Variants in LPA observed in about 807,000 individuals in gnomAD.
LPA encodes the protein lipoprotein(a), also known as apolipoprotein(a).
Under a neutral mutation model 197.9 loss-of-function variants are expected in LPA, and 199 were observed. The ratio of observed to expected loss-of-function variants is 1.01; its 90% CI spans 0.90 to 1.13. The LOEUF is 1.13. Ranked by LOEUF, LPA falls within the 50% of genes most tolerant of loss-of-function variation. The probability of loss-of-function intolerance (pLI) is 0.00; values close to 1 mark genes in which losing one functional copy is unlikely to be tolerated. For synonymous variants in LPA, 715 were observed against 639.5 expected (o/e 1.12, Z -1.78); for missense variants, 1,853 against 1,785.8 (o/e 1.04, Z -0.68).
chr6:160,656,773 G>T (rs1780140073), intron 1 of LPA, among the ~76,000 whole-genome samples: 1 of 152,132 alleles, frequency 6.6e-6, no homozygotes, highest in South Asian at 2.1e-4. Context: ...AACTGTAACA[G>T]GTTCGAGTCT....
Position 160,606,472 on chromosome 6 carries a change from C to A in LPA, c.2785+5G>T, listed in dbSNP as rs368377491. ...CGTGTAGGTTTCTGGCCACAGGCTC[C>A]TTACCTTGTTCAGAAGGAGCCTCTA... is the stretch of plus-strand genomic sequence containing the variant. On this transcript the variant is annotated splice_donor_5th_base_variant and intron_variant, in intron 17 of 38. Coordinates refer to ENST00000316300, the MANE Select transcript of LPA (RefSeq NM_005577.4). 9.9e-6 allele frequency: 16 copies of A among 1,613,336 alleles called. No homozygotes were observed. Among genetic ancestry groups the A allele is most frequent in the Non-Finnish European group, 1.4e-5 (16 of 1,179,800 alleles).
intron 20 of LPA, among the ~76,000 whole-genome samples, chr6:160,598,079 G>A (rs1487223758): frequency 1.3e-5 from 2 of 152,138 alleles, no homozygotes; most frequent in Non-Finnish European, 2.9e-5. Flanking sequence ...TCTACTGAAT[G>A]CCCAAGATTT....
intron 28 of LPA, among the ~76,000 whole-genome samples, chr6:160,576,177 C>T (rs1298935319): frequency 6.6e-6 from 1 of 151,074 alleles, no homozygotes; most frequent in Admixed American, 6.6e-5. Flanking sequence ...GCTTTTTGTC[C>T]ATGTACTTGT....
Position 160,611,679 on chromosome 6 carries a change from C to A in LPA, c.2486G>T (p.Gly829Val), listed in dbSNP as rs770360852. 1 of 1,551,102 alleles carries A rather than the reference C, an allele frequency of 6.4e-7. No individual in the cohort carries two copies. Among genetic ancestry groups the A allele is most frequent in the Non-Finnish European group, 8.8e-7 (1 of 1,142,204 alleles). Reference sequence around the variant, plus strand: ...TGTGCCTCGATAACTCTGTCCATTACCGTGGTAGCACTCCTGCACCCCAGG... The same window carrying A: ...TGTGCCTCGATAACTCTGTCCATTAACGTGGTAGCACTCCTGCACCCCAGG... ...QRPGVQECYH[G>V]NGQSYRGTYS... The change falls in exon 16 of 39, where the codon GGT becomes GTT. Residue 829 changes from glycine to valine, a missense_variant. Coordinates refer to ENST00000316300, the MANE Select transcript of LPA (RefSeq NM_005577.4).
rs569247505 is a variant in LPA at position 160,595,728 on chromosome 6, T to C, written c.3288-193A>G. Among the ~76,000 whole-genome samples, 28 of 152,366 alleles carry C rather than the reference T, an allele frequency of 1.8e-4. No individual in the cohort carries two copies. In the East Asian group the frequency reaches 5.2e-3, roughly 28 times the overall value. Reference sequence around the variant, plus strand: ...CATCTCAAAGACAAATTATCATTCATATTGTAACACATCCAAAGTCATCTG... The same window carrying C: ...CATCTCAAAGACAAATTATCATTCACATTGTAACACATCCAAAGTCATCTG... On this transcript the variant is annotated intron_variant, in intron 20 of 38. Transcript: ENST00000316300.
chr6:160,585,276 CA>C (rs1778888505), intron 25 of LPA, 71 bp from the exon 26 acceptor site: 1 of 1,432,694 alleles, frequency 7.0e-7, no homozygotes, highest in Non-Finnish European at 9.9e-7. Context: ...TTATGACACA[CA>C]AAGTGGAATA....
At chr6:160,654,540 C>T (rs1438414042) in intron 1 of LPA, among the ~76,000 whole-genome samples, 1 of 152,112 alleles carries the variant, frequency 6.6e-6, no homozygotes, top group Non-Finnish European at 1.5e-5. Flanking sequence ...TGAACCCATA[C>T]ACACATCCTG....
intron 26 of LPA, among the ~76,000 whole-genome samples, chr6:160,584,249 C>G (rs1405766138): frequency 3.7e-5 from 5 of 134,008 alleles, no homozygotes; most frequent in Admixed American, 7.6e-5. Flanking sequence ...CCTCCTCCTC[C>G]TCCTCCTCCT....
At chr6:160,558,300 G>A (rs1206416475) in intron 28 of LPA, among the ~76,000 whole-genome samples, 1 of 152,112 alleles carries the variant, frequency 6.6e-6, no homozygotes, top group Non-Finnish European at 1.5e-5. Flanking sequence ...GCAGTAACAT[G>A]TAAATTGTAA....
At position 160,590,956 on chromosome 6, in the gene LPA, C is replaced by T. The variant is rs1562334654; in HGVS notation, c.3775G>A (p.Val1259Ile). ...ESSVLATSTA[V>I]SEQAPTEQSP... ...AGAGACTTCTTACCTTGTTCAGAAA[C>T]AGCCGTGGACGTCGCAAGGACACTT... Residue 1259 changes from valine (V) to isoleucine (I), a missense_variant, in exon 23 of 39, where the codon GTT becomes ATT. This residue lies in a region of LPA where 1,737 missense variants were observed against 1,504.4 expected (regional missense o/e 1.15). Coordinates refer to ENST00000316300, the MANE Select transcript of LPA (RefSeq NM_005577.4). The T allele has an allele frequency of 1.9e-6, 3 of 1,613,950 alleles. No individual in the cohort carries two copies. Among genetic ancestry groups the T allele is most frequent in the East Asian group, 4.5e-5 (2 of 44,856 alleles).
In LPA at chr6:160,584,255, C is replaced by T. The variant is rs1438324879; in HGVS notation, c.4289+791G>A. ...CTTCTTCTTCCTCCTCCTCCTCCTC[C>T]TCCTCTTCCTCTTCCTCTTCTTCTT... is the stretch of plus-strand genomic sequence containing the variant. On this transcript the variant is annotated intron_variant, in intron 26 of 38. Coordinates refer to ENST00000316300, the MANE Select transcript of LPA (RefSeq NM_005577.4). 1.7e-3 allele frequency among the ~76,000 whole-genome samples: 228 copies of T among 133,920 alleles called. 2 individuals are homozygous for T. Among genetic ancestry groups the T allele is most frequent in the African/African-American group, 5.3e-3 (187 of 35,332 alleles). The allele number at this position is 133,920 out of a possible 152,430, so 87.9% of individuals were successfully genotyped here.
chr6:160,568,986 C>T (rs1044832437), intron 28 of LPA, among the ~76,000 whole-genome samples: 3 of 152,066 alleles, frequency 2.0e-5, no homozygotes, highest in Non-Finnish European at 2.9e-5. Context: ...TAAAAGAGGA[C>T]ACAAACAAAT....
At position 160,586,598 on chromosome 6, in the gene LPA, T is replaced by C. The variant is rs367705059; in HGVS notation, c.3980A>G (p.Asp1327Gly). The C allele has an allele frequency of 2.9e-5, 46 of 1,613,696 alleles. 1 individual carries two copies. Among genetic ancestry groups the C allele is most frequent in the South Asian group, 3.3e-5 (3 of 91,086 alleles). Residue 1327 changes from aspartate (D) to glycine (G), a missense_variant, in exon 25 of 39, where the codon GAT becomes GGT. Physicochemically the swap from Asp to Gly is moderately conservative, Grantham distance 94. Around this residue, in one of 3 missense-constraint regions of LPA, gnomAD observed 1,737 missense variants for 1,504.4 expected, o/e 1.15. Transcript: ENST00000316300. ...GLTRNYCRNP[D>G]AEIRPWCYTM... is the part of the protein sequence containing the mutation. ...ATAACACCAAGGGCGAATCTCAGCA[T>C]CTGGATTCCTGCAGTAGTTCCTGGT...
intron 1 of LPA, among the ~76,000 whole-genome samples, chr6:160,658,294 C>T (rs1411383518): frequency 1.3e-5 from 2 of 152,178 alleles, no homozygotes; most frequent in African/African-American, 4.8e-5. Flanking sequence ...CTCACTTTAA[C>T]AGTAAACACC....
intron 1 of LPA, among the ~76,000 whole-genome samples, chr6:160,656,932 T>C (rs551292778): frequency 6.6e-6 from 1 of 152,354 alleles, no homozygotes; most frequent in South Asian, 2.1e-4. Flanking sequence ...CCATGATTAA[T>C]TAGCCAATGC....
At chr6:160,608,277 T>A (rs749415455) in intron 16 of LPA, among the ~76,000 whole-genome samples, 2 of 152,246 alleles carry the variant, frequency 1.3e-5, no homozygotes, top group South Asian at 4.1e-4. Flanking sequence ...ATTCTTACAG[T>A]TTCCGGTTTC....
intron 34 of LPA, 122 bp from the exon 35 acceptor site, chr6:160,541,303 A>T: frequency 1.3e-6 from 1 of 761,182 alleles, no homozygotes; most frequent in Non-Finnish European, 2.3e-6. Flanking sequence ...AAAGCAAAGG[A>T]CTACCGCCCA....
intron 16 of LPA, among the ~76,000 whole-genome samples, chr6:160,610,423 A>G (rs748501957): frequency 1.3e-5 from 2 of 152,150 alleles, no homozygotes; most frequent in Non-Finnish European, 2.9e-5. Flanking sequence ...TGAATTGGCA[A>G]TGTGTTCCGT....
At chr6:160,549,046 T>G (rs985337256) in intron 30 of LPA, among the ~76,000 whole-genome samples, 3 of 152,094 alleles carry the variant, frequency 2.0e-5, no homozygotes, top group Admixed American at 6.5e-5. Context: ...ACAGGCACCT[T>G]CTTCACAGGC....
Sources: gnomAD v4.1 joint callset for allele counts (sites outside exome capture counted in the v4.1 genomes callset) on GRCh38, gnomAD v4.1.1 for gene constraint, gnomAD v4.1.1 regional missense constraint, MANE v1.5 for transcripts, NCBI Gene and HGNC (gene_info 2026-07-23, HGNC 2026-07-21) for gene names.